Variants in UBE2L5 observed in about 807,000 individuals in gnomAD.
UBE2L5 encodes the protein ubiquitin-conjugating enzyme E2 L5.
In UBE2L5, 3 loss-of-function variants were observed where a neutral mutation model predicts 10.0. That is an observed-to-expected ratio of 0.30 (90% CI 0.14 to 0.78). The LOEUF (loss-of-function observed/expected upper bound fraction) is 0.78. Among genes scored for constraint, UBE2L5 ranks in the 30% least tolerant of loss-of-function variants. UBE2L5 has a pLI of 0.65. For synonymous variants in UBE2L5, 60 were observed against 71.9 expected (o/e 0.83, Z 0.83); for missense variants, 131 against 193.3 (o/e 0.68, Z 1.91).
At chr13:30,427,070 G>C (rs969612426) in intron 3 of UBE2L5, 1 of 151,964 alleles carries the variant, frequency 6.6e-6, no homozygotes, top group East Asian at 1.9e-4. Flanking sequence ...TTTTCATGTC[G>C]TTCTGGGTAT....
At position 30,422,677 on chromosome 13, in the gene UBE2L5, TGTAA is replaced by T. The variant is rs1371118352; in HGVS notation, c.-779+3_-779+6del. The T allele has an allele frequency of 2.0e-5, 3 of 152,226 alleles. No individual in the cohort carries two copies. Among genetic ancestry groups the T allele is most frequent in the East Asian group, 1.9e-4 (1 of 5,206 alleles). The allele number at this position is 152,226 out of a possible 1,614,324, so 9.4% of individuals were successfully genotyped here. A position where few individuals can be genotyped will look rare whatever the true frequency, so the allele number is the denominator to read the frequency against. ...AACTAGGATCTTTGCGGGTCATCCC[TGTAA>T]GTGCCTTTTTAATCCATTCACAAGG... On this transcript the variant is annotated splice_donor_variant and splice_donor_region_variant and intron_variant, in intron 1 of 3. Transcript: ENST00000635918. LOFTEE classifies it low-confidence loss of function (5UTR_SPLICE).
Position 30,428,482 on chromosome 13 carries a change from T to A in UBE2L5, c.*27T>A. Reference sequence around the variant, plus strand: ...ATGTGCCACGATTGGTTCCAGCAAGTGTGAGCAGAGACCCCGTGCAGTACA... The same window carrying A: ...ATGTGCCACGATTGGTTCCAGCAAGAGTGAGCAGAGACCCCGTGCAGTACA... On this transcript the variant is annotated 3_prime_UTR_variant, in exon 4 of 4. Transcript: ENST00000635918. 6.2e-7 allele frequency: 1 copy of A among 1,609,278 alleles called. No individual in the cohort carries two copies.
In UBE2L5 at chr13:30,429,644, G is replaced by A. The variant is rs1885599234; in HGVS notation, c.*1189G>A. On this transcript the variant is annotated 3_prime_UTR_variant, in exon 4 of 4. Transcript: ENST00000635918. ...TTGTCCTGTAGAACATATACATAGA[G>A]GATTGTTCACTCTCCTCCTTTTATG... is the stretch of plus-strand genomic sequence containing the variant. Among the ~76,000 whole-genome samples the A allele has an allele frequency of 6.6e-6, 1 of 152,116 alleles. No homozygotes were observed. Among genetic ancestry groups the A allele is most frequent in the Non-Finnish European group, 1.5e-5 (1 of 68,032 alleles).
rs2137357160 is a variant in UBE2L5, at chr13:30,423,235, A to G, written c.-779+558A>G. ...AGTTCCATCTGGAAAATCTCCAAAT[A>G]CAATTACAATAAAGCAGATACAATA... On this transcript the variant is annotated intron_variant, in intron 1 of 3. Transcript: ENST00000635918. 2.0e-5 allele frequency among the ~76,000 whole-genome samples: 3 copies of G among 152,344 alleles called. No individual in the cohort carries two copies. In the East Asian group the frequency reaches 5.8e-4, roughly 29 times the overall value.
chr13:30,426,448 A>G (rs1229390313), intron 2 of UBE2L5, among the ~76,000 whole-genome samples: 1 of 152,234 alleles, frequency 6.6e-6, no homozygotes, highest in African/African-American at 2.4e-5. Flanking sequence ...AACGGACAAA[A>G]TTACAATCCC....
At chr13:30,425,806 T>C (rs1301313612) in intron 2 of UBE2L5, among the ~76,000 whole-genome samples, 1 of 152,158 alleles carries the variant, frequency 6.6e-6, no homozygotes, top group African/African-American at 2.4e-5. Flanking sequence ...GCAGATCACC[T>C]GAGGTCAGGA....
chr13:30,424,315 A>AT (rs1885509362), intron 1 of UBE2L5, among the ~76,000 whole-genome samples: 1 of 152,236 alleles, frequency 6.6e-6, no homozygotes, highest in East Asian at 1.9e-4. Flanking sequence ...TATTAGGATT[A>AT]TTAAAGTCAC....
chr13:30,428,634 A>G lies in UBE2L5; in HGVS notation c.*179A>G. The G allele has an allele frequency of 1.6e-6, 1 of 639,050 alleles. No individual in the cohort carries two copies. Among genetic ancestry groups the G allele is most frequent in the Non-Finnish European group, 2.5e-6 (1 of 396,130 alleles). 39.6% of individuals were successfully genotyped at this position (639,050 alleles called of 1,614,324 possible). On this transcript the variant is annotated 3_prime_UTR_variant, in exon 4 of 4. Coordinates refer to ENST00000635918, the MANE Select transcript of UBE2L5 (RefSeq NM_001355247.2). ...AAGTGGTCTAGGTAACCTGTAAAGA[A>G]AGGATTAAAAATTTAAGATGTTCTT... is the stretch of plus-strand genomic sequence containing the variant.
intron 2 of UBE2L5, among the ~76,000 whole-genome samples, chr13:30,425,531 TC>T (rs977973409): frequency 6.6e-6 from 1 of 152,168 alleles, no homozygotes; most frequent in Admixed American, 6.5e-5. Flanking sequence ...AATGCCTTCT[TC>T]CCAAAGACAG....
At position 30,427,851 on chromosome 13, in the gene UBE2L5, C is replaced by G; in HGVS notation, c.-140C>G. On this transcript the variant is annotated 5_prime_UTR_variant, in exon 4 of 4. Coordinates refer to ENST00000635918, the MANE Select transcript of UBE2L5 (RefSeq NM_001355247.2). Reference sequence around the variant, plus strand: ...ATAGGATTGTGGATGATCACTCTAACCAACCAGTGGGCAAGTTGCTTTGCT... The same window carrying G: ...ATAGGATTGTGGATGATCACTCTAAGCAACCAGTGGGCAAGTTGCTTTGCT... 1.4e-6 allele frequency: 1 copy of G among 703,274 alleles called. No homozygotes were observed. The allele number at this position is 703,274 out of a possible 1,614,324, so 43.6% of individuals were successfully genotyped here. A position where few individuals can be genotyped will look rare whatever the true frequency, so the allele number is the denominator to read the frequency against.
chr13:30,429,265 A>G lies in UBE2L5; in HGVS notation c.*810A>G, dbSNP rs759753393. Among the ~76,000 whole-genome samples, 3 of 152,004 alleles carry G rather than the reference A, an allele frequency of 2.0e-5. No individual in the cohort carries two copies. The highest frequency in any genetic ancestry group is 4.4e-5 in the Non-Finnish European group (3 of 68,016). On this transcript the variant is annotated 3_prime_UTR_variant, in exon 4 of 4. Transcript: ENST00000635918. ...GCGCCATTGCACTCCAGCCTGGGCA[A>G]CAAGAGCAAAACTCTGTCCCCCCCC...
chr13:30,427,600 G>A lies in UBE2L5; in HGVS notation c.-391G>A, dbSNP rs1292031395. On this transcript the variant is annotated 5_prime_UTR_variant, in exon 4 of 4. Coordinates refer to ENST00000635918, the MANE Select transcript of UBE2L5 (RefSeq NM_001355247.2). ...GGATCACTTGAGGTCAGGAGTTCGAGACTAGCCAGGCCAACATGGTGAAAC... is the reference window on the plus strand; with the variant it reads ...GGATCACTTGAGGTCAGGAGTTCGAAACTAGCCAGGCCAACATGGTGAAAC... 2 of 197,076 alleles carry A rather than the reference G, an allele frequency of 1.0e-5. No individual in the cohort carries two copies. Among genetic ancestry groups the A allele is most frequent in the Admixed American group, 1.1e-4 (2 of 18,256 alleles). 12.2% of individuals were successfully genotyped at this position (197,076 alleles called of 1,614,324 possible). A position where few individuals can be genotyped will look rare whatever the true frequency, so the allele number is the denominator to read the frequency against.
chr13:30,428,632 G>A lies in UBE2L5; in HGVS notation c.*177G>A, dbSNP rs1385891249. The A allele has an allele frequency of 6.7e-5, 40 of 598,866 alleles. No individual in the cohort carries two copies. Among genetic ancestry groups the A allele is most frequent in the South Asian group, 1.6e-4 (5 of 31,526 alleles). The allele number at this position is 598,866 out of a possible 1,614,324, so 37.1% of individuals were successfully genotyped here. On this transcript the variant is annotated 3_prime_UTR_variant, in exon 4 of 4. Transcript: ENST00000635918. ...AAAAGTGGTCTAGGTAACCTGTAAAGAAAGGATTAAAAATTTAAGATGTTC... is the reference window on the plus strand; with the variant it reads ...AAAAGTGGTCTAGGTAACCTGTAAAAAAAGGATTAAAAATTTAAGATGTTC...
rs1182472950 is a variant in UBE2L5 at position 30,422,521 on chromosome 13, G to A, written c.-935G>A. 6.6e-6 allele frequency: 1 copy of A among 152,106 alleles called. No homozygotes were observed. Among genetic ancestry groups the A allele is most frequent in the East Asian group, 1.9e-4 (1 of 5,194 alleles). The allele number at this position is 152,106 out of a possible 1,614,324, so 9.4% of individuals were successfully genotyped here. ...CCGCTCCGTGAGGCTTCCGGGAGAG[G>A]GAAAGCTGTTCTCCTTTGATGCTCT... On this transcript the variant is annotated 5_prime_UTR_variant, in exon 1 of 4. Coordinates refer to ENST00000635918, the MANE Select transcript of UBE2L5 (RefSeq NM_001355247.2).
chr13:30,423,779 T>C (rs776476220), intron 1 of UBE2L5, among the ~76,000 whole-genome samples: 7 of 152,248 alleles, frequency 4.6e-5, no homozygotes, highest in Non-Finnish European at 8.8e-5. Flanking sequence ...TTGCATAAAA[T>C]TGAAAGACGA....
At chr13:30,424,349 C>T (rs140826680) in intron 1 of UBE2L5, among the ~76,000 whole-genome samples, 1 of 152,320 alleles carries the variant, frequency 6.6e-6, no homozygotes, top group African/African-American at 2.4e-5. Context: ...ACTCTAGGAT[C>T]TAGAATTATG....
At position 30,429,111 on chromosome 13, in the gene UBE2L5, A is replaced by C. The variant is rs1885584917; in HGVS notation, c.*656A>C. Among the ~76,000 whole-genome samples the C allele has an allele frequency of 9.1e-6, 1 of 109,342 alleles. No individual in the cohort carries two copies. Among genetic ancestry groups the C allele is most frequent in the Non-Finnish European group, 2.3e-5 (1 of 42,938 alleles). 71.7% of individuals were successfully genotyped at this position (109,342 alleles called of 152,430 possible). ...CGTGGTGAAACCCCATCTCTATTAA[A>C]AATAAAATAAATAAACAAATAAAAG... is the stretch of plus-strand genomic sequence containing the variant. On this transcript the variant is annotated 3_prime_UTR_variant, in exon 4 of 4. Transcript: ENST00000635918.
chr13:30,426,997 A>G (rs1165950906), intron 3 of UBE2L5: 4 of 152,220 alleles, frequency 2.6e-5, no homozygotes, highest in African/African-American at 9.6e-5. Flanking sequence ...AATTTATTGT[A>G]AAAGATAATC....
rs1053510895 is a variant in UBE2L5, at chr13:30,429,189, G to T, written c.*734G>T. Among the ~76,000 whole-genome samples, 5 of 152,242 alleles carry T rather than the reference G, an allele frequency of 3.3e-5. No homozygotes were observed. In the East Asian group the frequency reaches 9.6e-4, roughly 29 times the overall value. ...AATCCCAGCTACTCAGGAGGCTGAG[G>T]CAGGATAATCGTTTGGACCCTGGAG... is the stretch of plus-strand genomic sequence containing the variant. On this transcript the variant is annotated 3_prime_UTR_variant, in exon 4 of 4. Transcript: ENST00000635918.
Sources: gnomAD v4.1 joint callset for allele counts (sites outside exome capture counted in the v4.1 genomes callset) on GRCh38, gnomAD v4.1.1 for gene constraint, MANE v1.5 for transcripts, NCBI Gene and HGNC (gene_info 2026-07-23, HGNC 2026-07-21) for gene names.